The following SNX5 variants were observed in gnomAD, a reference collection of about 807,000 sequenced individuals.
SNX5 encodes the protein sorting nexin 5.
In SNX5, 31 loss-of-function variants were observed where a neutral mutation model predicts 53.9. The ratio of observed to expected loss-of-function variants is 0.58; its 90% CI spans 0.43 to 0.78. SNX5 has a LOEUF of 0.78. Ranked by LOEUF, SNX5 falls within the 30% of genes least tolerant of loss-of-function variation. The pLI, the probability that SNX5 is intolerant of heterozygous loss-of-function variation, is 0.00. For synonymous variants in SNX5, 168 were observed against 171.1 expected, an observed-to-expected ratio of 0.98 and a Z score of 0.14; for missense variants, 471 against 478.8, an observed-to-expected ratio of 0.98 and a Z score of 0.15.
Position 17,954,113 on chromosome 20 carries a change from GGAATCTGCAGCA to G in SNX5, c.268-8_271del, listed in dbSNP as rs1468799522. 6.2e-7 allele frequency: 1 copy of G among 1,613,420 alleles called. No homozygotes were observed. The highest frequency in any genetic ancestry group is 8.5e-7 in the Non-Finnish European group (1 of 1,179,674). On this transcript the variant is annotated splice_acceptor_variant and splice_polypyrimidine_tract_variant and coding_sequence_variant and intron_variant, in exon 4 of 13. Transcript: ENST00000377759. LOFTEE classifies it high-confidence loss of function. ...AAAGTCGGGCTTCGTAGGAGCAGGT[GGAATCTGCAGCA>G]GAGGCAGGAACTCATGAGCCTCTTG...
chr20:17,958,199 CTAAAG>C (rs758247051), intron 1 of SNX5, among the ~76,000 whole-genome samples: 1 of 152,230 alleles, frequency 6.6e-6, no homozygotes, highest in South Asian at 2.1e-4. Flanking sequence ...GTAAGGAGTG[CTAAAG>C]TAAAGTTGTC....
intron 1 of SNX5, chr20:17,961,492 G>A: frequency 4.1e-6 from 4 of 985,386 alleles, no homozygotes; most frequent in Non-Finnish European, 4.8e-6. Context: ...TTAGATTGGG[G>A]CTAGTTGAAC....
chr20:17,957,217 CAGGG>C (rs1197243660), intron 1 of SNX5, among the ~76,000 whole-genome samples, 180 bp from the exon 2 acceptor site: 1 of 151,950 alleles, frequency 6.6e-6, no homozygotes, highest in Non-Finnish European at 1.5e-5. Flanking sequence ...GGGTGGTTCA[CAGGG>C]TCAGGAGATG....
intron 1 of SNX5, chr20:17,961,390 G>T (rs1329958051): frequency 1.0e-6 from 1 of 985,260 alleles, no homozygotes; most frequent in Non-Finnish European, 1.2e-6. Context: ...AAAAAATACA[G>T]TTTTTTCTAA....
In SNX5 at chr20:17,943,212, T is replaced by G; in HGVS notation, c.1079-17A>C. ...TTATCAGTTCTACAGGAAGAAAAAA[T>G]GTTTATGAAACCAAGAAAAACTAAA... On this transcript the variant is annotated splice_polypyrimidine_tract_variant and intron_variant, in intron 11 of 12. Coordinates refer to ENST00000377759, the MANE Select transcript of SNX5 (RefSeq NM_014426.4). 6.5e-7 allele frequency: 1 copy of G among 1,544,220 alleles called. No individual in the cohort carries two copies. Among genetic ancestry groups the G allele is most frequent in the Admixed American group, 1.7e-5 (1 of 57,878 alleles).
Position 17,968,464 on chromosome 20 carries a change from G to A in SNX5, c.-39C>T, listed in dbSNP as rs1339542674. 4 of 1,289,198 alleles carry A rather than the reference G, an allele frequency of 3.1e-6. No homozygotes were observed. Among genetic ancestry groups the A allele is most frequent in the East Asian group, 3.1e-5 (1 of 32,054 alleles). 79.9% of individuals were successfully genotyped at this position (1,289,198 alleles called of 1,614,324 possible). On this transcript the variant is annotated 5_prime_UTR_variant, in exon 1 of 13. Coordinates refer to ENST00000377759, the MANE Select transcript of SNX5 (RefSeq NM_014426.4). The stretch of plus-strand genomic sequence containing the variant: ...TCGAGCAGGGGCCGCCTGGCTGTGC[G>A]AGGAAAGAAGAAGCTGGGCCGCCGC...
intron 2 of SNX5, among the ~76,000 whole-genome samples, chr20:17,956,701 A>C (rs902592800): frequency 5.7e-5 from 7 of 122,832 alleles, no homozygotes; most frequent in East Asian, 4.7e-4. Context: ...AAAAAAAAAA[A>C]AAACAAAAAA....
At chr20:17,949,233 G>A in intron 8 of SNX5, 130 bp from the exon 9 acceptor site, 1 of 737,338 alleles carries the variant, frequency 1.4e-6, no homozygotes, top group Non-Finnish European at 2.3e-6. Context: ...TAATTTAAAA[G>A]TAGTGCTCTC....
intron 1 of SNX5, among the ~76,000 whole-genome samples, chr20:17,965,979 T>C (rs1374082045): frequency 6.6e-6 from 1 of 151,556 alleles, no homozygotes; most frequent in Non-Finnish European, 1.5e-5. Context: ...AGAACAAAAA[T>C]ACCCCTAGAG....
intron 1 of SNX5, chr20:17,962,987 C>G (rs1430002515): frequency 1.1e-5 from 5 of 469,566 alleles, no homozygotes; most frequent in Non-Finnish European, 2.1e-5. Flanking sequence ...AACATGGAAC[C>G]AGAGTTAAAT....
intron 1 of SNX5, among the ~76,000 whole-genome samples, chr20:17,965,774 ACCGAGTACAAG>A (rs1464817259): frequency 1.3e-5 from 2 of 152,064 alleles, no homozygotes; most frequent in African/African-American, 4.8e-5. Context: ...ATCTTAAGAC[ACCGAGTACAAG>A]TTACTGAACT....
At chr20:17,967,556 T>C (rs1261104016) in intron 1 of SNX5, 1 of 152,310 alleles carries the variant, frequency 6.6e-6, no homozygotes, top group African/African-American at 2.4e-5. Context: ...GAGCCTTGTA[T>C]TTTTAGAGGT....
At chr20:17,965,218 G>C (rs1020362067) in intron 1 of SNX5, among the ~76,000 whole-genome samples, 3 of 148,646 alleles carry the variant, frequency 2.0e-5, no homozygotes, top group Non-Finnish European at 2.9e-5. Context: ...CACCATGGGA[G>C]GGGAGGAGGC....
chr20:17,945,677 G>A (rs967963375), intron 11 of SNX5: 3 of 151,776 alleles, frequency 2.0e-5, no homozygotes, highest in African/African-American at 7.3e-5. Context: ...AGGTTACTTT[G>A]GAAGAACCCA....
intron 1 of SNX5, chr20:17,962,818 A>G (rs773009072): frequency 3.9e-6 from 2 of 519,094 alleles, no homozygotes; most frequent in Admixed American, 1.9e-5. Flanking sequence ...AGCAGTTCAC[A>G]GTAGAACACT....
At position 17,954,077 on chromosome 20, in the gene SNX5, C is replaced by T. The variant is rs762534744; in HGVS notation, c.308G>A (p.Arg103Gln). ...TTCTCCCAGTTTCTGCATCTTCTCTCGAGGACCATCAAAGTCGGGCTTCGT... is the reference window on the plus strand; with the variant it reads ...TTCTCCCAGTTTCTGCATCTTCTCTTGAGGACCATCAAAGTCGGGCTTCGT... ...APTKPDFDGP[R>Q]EKMQKLGEGE... Residue 103 changes from arginine (R) to glutamine (Q), a missense_variant, in exon 4 of 13, where the codon CGA becomes CAA. Physicochemically the swap from Arg to Gln is conservative, Grantham distance 43. Coordinates refer to ENST00000377759, the MANE Select transcript of SNX5 (RefSeq NM_014426.4). The T allele has an allele frequency of 4.3e-6, 7 of 1,613,890 alleles. No homozygotes were observed. Among genetic ancestry groups the T allele is most frequent in the South Asian group, 3.3e-5 (3 of 91,068 alleles).
intron 2 of SNX5, among the ~76,000 whole-genome samples, chr20:17,956,673 CAA>C (rs59252584): frequency 8.5e-4 from 72 of 84,856 alleles, no homozygotes; most frequent in African/African-American, 1.8e-3. Flanking sequence ...AGACTGTCTC[CAA>C]AAAAAAAAAA....
chr20:17,955,584 C>T (rs975855287), intron 2 of SNX5, 109 bp from the exon 3 acceptor site: 19 of 691,024 alleles, frequency 2.7e-5, no homozygotes, highest in Admixed American at 2.2e-4. Flanking sequence ...ATAATATGAT[C>T]CAGTAAAGAA....
intron 11 of SNX5, 197 bp downstream of exon 11, chr20:17,947,289 G>C (rs2039499030): frequency 3.6e-6 from 2 of 561,580 alleles, no homozygotes; most frequent in Non-Finnish European, 6.1e-6. Flanking sequence ...CAATGGTACA[G>C]AAAAACCAGG....
Sources: gnomAD v4.1 joint callset for allele counts (sites outside exome capture counted in the v4.1 genomes callset) on GRCh38, gnomAD v4.1.1 for gene constraint, MANE v1.5 for transcripts, NCBI Gene and HGNC (gene_info 2026-07-23, HGNC 2026-07-21) for gene names.